Variants in GFRA1 observed in about 807,000 individuals in gnomAD.
The protein encoded by GFRA1 is GDNF family receptor alpha-1.
In GFRA1, 16 loss-of-function variants were observed where a neutral mutation model predicts 51.6. The ratio of observed to expected loss-of-function variants is 0.31; its 90% CI spans 0.21 to 0.47. The LOEUF (loss-of-function observed/expected upper bound fraction) is 0.47, where lower values mean the gene tolerates loss of function less well. GFRA1 is among the 20% of genes least tolerant of loss of function. The pLI is 1.00. For synonymous variants in GFRA1, 270 were observed against 241.3 expected, an observed-to-expected ratio of 1.12 and a Z score of -1.10; for missense variants, 530 against 594.3, an observed-to-expected ratio of 0.89 and a Z score of 1.13.
intron 5 of GFRA1, among the ~76,000 whole-genome samples, chr10:116,151,274 G>A (rs1959054377): frequency 6.6e-6 from 1 of 152,138 alleles, no homozygotes. Flanking sequence ...AGCAAGTTGG[G>A]TTGGCCTCTG....
chr10:116,184,510 C>G (rs1368780113), intron 5 of GFRA1, among the ~76,000 whole-genome samples: 1 of 152,236 alleles, frequency 6.6e-6, no homozygotes, highest in Non-Finnish European at 1.5e-5. Context: ...TGGCAGGGAC[C>G]TGCGGCCCTG....
chr10:116,205,561 T>C, intron 5 of GFRA1, among the ~76,000 whole-genome samples: 1 of 148,222 alleles, frequency 6.7e-6, no homozygotes, highest in African/African-American at 2.5e-5. Flanking sequence ...GCGACAGAGC[T>C]AGACTTCATC....
At chr10:116,087,397 A>G (rs897106577) in intron 9 of GFRA1, among the ~76,000 whole-genome samples, 2 of 152,194 alleles carry the variant, frequency 1.3e-5, no homozygotes, top group Non-Finnish European at 2.9e-5. Context: ...GATGTCACCT[A>G]TTAACTTCCA....
chr10:116,107,708 G>T (rs923248629), intron 6 of GFRA1, among the ~76,000 whole-genome samples: 1 of 152,186 alleles, frequency 6.6e-6, no homozygotes, highest in Non-Finnish European at 1.5e-5. Flanking sequence ...TGTACCCTCA[G>T]AAGGAAGTGT....
At chr10:116,233,343 T>TTC in intron 4 of GFRA1, among the ~76,000 whole-genome samples, 1 of 151,932 alleles carries the variant, frequency 6.6e-6, no homozygotes, top group African/African-American at 2.4e-5. Context: ...AAAAAAAAAT[T>TTC]TTTTAATTGA....
chr10:116,151,155 T>C (rs1394381286), intron 5 of GFRA1, among the ~76,000 whole-genome samples: 1 of 152,186 alleles, frequency 6.6e-6, no homozygotes, highest in Non-Finnish European at 1.5e-5. Context: ...TGTGGACTGC[T>C]TACTGTTGGA....
chr10:116,161,242 T>G (rs1959753057), intron 5 of GFRA1, among the ~76,000 whole-genome samples: 1 of 152,196 alleles, frequency 6.6e-6, no homozygotes, highest in South Asian at 2.1e-4. Context: ...ACTTTCTCCG[T>G]GTGGTCACTG....
At chr10:116,171,936 G>A (rs932271190) in intron 5 of GFRA1, among the ~76,000 whole-genome samples, 15 of 152,124 alleles carry the variant, frequency 9.9e-5, no homozygotes, top group Non-Finnish European at 1.5e-4. Flanking sequence ...GTTTAGCCCC[G>A]ATACAATCAT....
chr10:116,129,362 G>C (rs1040751635), intron 5 of GFRA1, among the ~76,000 whole-genome samples: 1 of 152,102 alleles, frequency 6.6e-6, no homozygotes, highest in Non-Finnish European at 1.5e-5. Context: ...AAGAATGCAA[G>C]GTTAGTTTAA....
rs774676790 is a variant in GFRA1 at position 116,065,616 on chromosome 10, A to T, written c.1208T>A (p.Leu403Gln). The change falls in exon 10 of 11, where the codon CTG (leucine) becomes CAG (glutamine). Residue 403 changes from leucine (L) to glutamine (Q), a missense_variant. Transcript: ENST00000355422. ...PPCANLQAQKLKSNVSGNTHL... is the reference protein window; with the variant it reads ...PPCANLQAQKQKSNVSGNTHL... ...TGTATTGCCCGACACATTGGATTTC[A>T]GCTTCTGTGCCTGGAGAGGGACAAG... The T allele has an allele frequency of 1.9e-6, 3 of 1,613,174 alleles. No individual in the cohort carries two copies. The highest frequency in any genetic ancestry group is 3.3e-5 in the Admixed American group (2 of 60,008).
intron 5 of GFRA1, among the ~76,000 whole-genome samples, chr10:116,181,109 G>T (rs1224772309): frequency 6.6e-6 from 1 of 152,150 alleles, no homozygotes; most frequent in Non-Finnish European, 1.5e-5. Flanking sequence ...CTCCATTTCT[G>T]GGAACCCAGG....
chr10:116,072,881 T>C (rs116760416), intron 9 of GFRA1, among the ~76,000 whole-genome samples: 1,661 of 152,234 alleles, frequency 0.011, 37 homozygotes, highest in African/African-American at 0.038. Flanking sequence ...AATCACAGGG[T>C]TGTGAAAATC....
At chr10:116,273,346 G>C (rs1312707706), upstream of GFRA1, 1 of 151,878 alleles carries the variant, frequency 6.6e-6, no homozygotes, top group Admixed American at 6.5e-5. Flanking sequence ...TCGAAGGGCC[G>C]AGTTGGGCCA....
At chr10:116,205,161 G>T (rs894715241) in intron 5 of GFRA1, among the ~76,000 whole-genome samples, 2 of 152,150 alleles carry the variant, frequency 1.3e-5, no homozygotes, top group African/African-American at 4.8e-5. Flanking sequence ...CTGTCATGCA[G>T]CACATGACCG....
At chr10:116,211,399 C>T (rs1965183442) in intron 5 of GFRA1, among the ~76,000 whole-genome samples, 1 of 152,198 alleles carries the variant, frequency 6.6e-6, no homozygotes, top group Non-Finnish European at 1.5e-5. Context: ...GCCCAGCTGT[C>T]CAGTCTACAT....
At chr10:116,104,787 T>C (rs1385401556) in intron 6 of GFRA1, among the ~76,000 whole-genome samples, 2 of 152,188 alleles carry the variant, frequency 1.3e-5, no homozygotes, top group African/African-American at 4.8e-5. Flanking sequence ...AGGTACTCTC[T>C]ACCTGGCAAA....
intron 5 of GFRA1, among the ~76,000 whole-genome samples, chr10:116,132,682 C>T (rs1352071171): frequency 6.6e-6 from 1 of 152,154 alleles, no homozygotes; most frequent in African/African-American, 2.4e-5. Context: ...CTGCTGAAAT[C>T]ACAGGATATA....
At chr10:116,111,433 A>G (rs1394763321) in intron 6 of GFRA1, among the ~76,000 whole-genome samples, 2 of 152,186 alleles carry the variant, frequency 1.3e-5, no homozygotes, top group African/African-American at 4.8e-5. Context: ...ACAGCCTTCC[A>G]AATAAAGCCC....
Position 116,272,244 on chromosome 10 carries a change from T to C in GFRA1, c.-215A>G. ...CCGGGATGGCGAGGGCGGGAGGCGG[T>C]TCCGCTTTTAGGGGTTCAGGTCCGA... is the stretch of plus-strand genomic sequence containing the variant. On this transcript the variant is annotated 5_prime_UTR_variant, in exon 2 of 11. Transcript: ENST00000355422. The surrounding 1 kb of genome is among the most constrained non-coding windows in gnomAD (Gnocchi z 4.4). 2 of 611,572 alleles carry C rather than the reference T, an allele frequency of 3.3e-6. No homozygotes were observed. The highest frequency in any genetic ancestry group is 1.9e-5 in the South Asian group (1 of 51,424). The allele number at this position is 611,572 out of a possible 1,614,324, so 37.9% of individuals were successfully genotyped here.
Sources: allele counts gnomAD v4.1 joint callset (sites outside exome capture counted in the v4.1 genomes callset), GRCh38; gene constraint gnomAD v4.1.1; non-coding constraint Gnocchi (gnomAD v3.1); transcripts MANE v1.5; gene names NCBI Gene and HGNC (gene_info 2026-07-23, HGNC 2026-07-21).